The following STIL variants were observed in gnomAD, a reference collection of about 807,000 sequenced individuals.
STIL encodes the protein STIL centriolar assembly protein, also known as SCL-interrupting locus protein.
STIL carries 55 observed loss-of-function variants against 110.1 expected under a neutral mutation model. The observed-to-expected ratio is 0.50, with a 90% CI of 0.40 to 0.63. STIL has a LOEUF of 0.63. Among genes scored for constraint, STIL ranks in the 20% least tolerant of loss-of-function variants. The pLI is 0.00. For missense variants in STIL, 1,358 were observed against 1,530.0 expected (o/e 0.89, Z 1.87); for synonymous variants, 481 against 530.0 (o/e 0.91, Z 1.27).
chr1:47,294,706 A>G (rs1431484537), intron 7 of STIL, among the ~76,000 whole-genome samples: 2 of 152,240 alleles, frequency 1.3e-5, no homozygotes, highest in African/African-American at 4.8e-5. Flanking sequence ...ACATATATAA[A>G]AAAAAGTAAA....
chr1:47,252,710 G>A (rs1406696137), intron 16 of STIL, among the ~76,000 whole-genome samples: 1 of 150,260 alleles, frequency 6.7e-6, no homozygotes, highest in Non-Finnish European at 1.5e-5. Context: ...AAATTAAATT[G>A]TTCATAGTTG....
chr1:47,281,328 CTTTA>C (rs1645154746), intron 11 of STIL, 119 bp from the exon 12 acceptor site: 2 of 1,059,352 alleles, frequency 1.9e-6, no homozygotes, highest in African/African-American at 1.6e-5. Context: ...AGTGTTCATT[CTTTA>C]TTTAGACCAT....
intron 14 of STIL, 48 bp downstream of exon 14, chr1:47,269,587 A>C (rs373643200): frequency 2.0e-5 from 30 of 1,532,450 alleles, no homozygotes; most frequent in Non-Finnish European, 2.4e-5. Context: ...CTATCAAAAA[A>C]AATTTTTTTT....
intron 13 of STIL, 66 bp from the exon 14 acceptor site, chr1:47,269,932 C>A (rs1043029554): frequency 6.8e-7 from 1 of 1,478,444 alleles, no homozygotes; most frequent in Non-Finnish European, 9.5e-7. Flanking sequence ...CTCTGCCAAA[C>A]CTTTGTTAAG....
At chr1:47,298,078 A>G (rs1268527141) in intron 6 of STIL, among the ~76,000 whole-genome samples, 2 of 152,190 alleles carry the variant, frequency 1.3e-5, no homozygotes, top group African/African-American at 4.8e-5. Flanking sequence ...GAATATACCA[A>G]TTTTTCCTTT....
In STIL at chr1:47,265,783, CAAAAAAA is replaced by C. The variant is rs1179019596; in HGVS notation, c.2616-2674_2616-2668del. Among the ~76,000 whole-genome samples, 3 of 65,604 alleles carry C rather than the reference CAAAAAAA, an allele frequency of 4.6e-5. No individual in the cohort carries two copies. In the Admixed American group the frequency reaches 6.5e-4, roughly 14 times the overall value. 43.0% of individuals were successfully genotyped at this position (65,604 alleles called of 152,430 possible). ...CCTGGATGACAGAGCAAGACTGTCT[CAAAAAAA>C]AAAAAAAAAAAAAAAAGAAACAGTC... On this transcript the variant is annotated intron_variant, in intron 14 of 16. Coordinates refer to ENST00000371877, the MANE Select transcript of STIL (RefSeq NM_001048166.1).
chr1:47,260,403 A>G lies in STIL; in HGVS notation c.2966T>C (p.Leu989Pro), dbSNP rs1404754991. The part of the protein sequence containing the change: ...HTKKKTHHSR[L>P]VDKDCVLNAT... ...ATTAAGGACACAATCTTTGTCCACC[A>G]GTCTTGAATGATGTGTTTTTTTCTT... The change falls in exon 16 of 17, where the codon CTG becomes CCG. Residue 989 changes from leucine to proline, a missense_variant. By Grantham distance (98) the Leu-to-Pro change is moderately conservative. Coordinates refer to ENST00000371877, the MANE Select transcript of STIL (RefSeq NM_001048166.1). The G allele has an allele frequency of 6.2e-7, 1 of 1,614,188 alleles. No homozygotes were observed. The highest frequency in any genetic ancestry group is 1.3e-5 in the African/African-American group (1 of 75,048).
chr1:47,261,760 AAAT>A (rs1327351464), intron 15 of STIL, among the ~76,000 whole-genome samples: 3 of 151,518 alleles, frequency 2.0e-5, no homozygotes. Flanking sequence ...AAAAAAAAAA[AAAT>A]TAGCCAGGCA....
chr1:47,256,936 T>A (rs1368100739), intron 16 of STIL, among the ~76,000 whole-genome samples: 1 of 147,390 alleles, frequency 6.8e-6, no homozygotes, highest in East Asian at 2.1e-4. Flanking sequence ...GTGAAGGTTA[T>A]GGTGAGCCCA....
rs142315727 is a variant in STIL at position 47,251,625 on chromosome 1, T to G, written c.3378A>C (p.Arg1126Ser). 2 of 1,614,162 alleles carry G rather than the reference T, an allele frequency of 1.2e-6. No individual in the cohort carries two copies. Among genetic ancestry groups the G allele is most frequent in the African/African-American group, 1.3e-5 (1 of 75,050 alleles). The change falls in exon 17 of 17, where the codon AGA becomes AGC. Residue 1126 changes from arginine to serine, a missense_variant. Transcript: ENST00000371877. Reference protein sequence around the residue: ...MSFATKKYMKRYGLLQSSDNS... With the variant: ...MSFATKKYMKSYGLLQSSDNS... ...TGTCACTGCTTTGTAGGAGTCCATA[T>G]CTCTTCATATATTTTTTGGTTGCAA...
intron 8 of STIL, among the ~76,000 whole-genome samples, chr1:47,290,424 G>A (rs1318586252): frequency 3.3e-5 from 5 of 152,232 alleles, no homozygotes; most frequent in Non-Finnish European, 5.9e-5. Flanking sequence ...AAGATGCACA[G>A]GCCGGGCGCA....
At position 47,289,870 on chromosome 1, in the gene STIL, G is replaced by A. The variant is rs553868769; in HGVS notation, c.873-285C>T. 2.7e-5 allele frequency among the ~76,000 whole-genome samples: 4 copies of A among 149,956 alleles called. 1 individual carries two copies. In the South Asian group the frequency reaches 6.3e-4, roughly 24 times the overall value. ...GGAGAATGGCGTGAACCCGGGAGGC[G>A]GAGCTTGTAATGAGCCAAGATCGCG... On this transcript the variant is annotated intron_variant, in intron 8 of 16. Coordinates refer to ENST00000371877, the MANE Select transcript of STIL (RefSeq NM_001048166.1).
chr1:47,308,028 A>G (rs1304911150), intron 2 of STIL, among the ~76,000 whole-genome samples: 1 of 152,220 alleles, frequency 6.6e-6, no homozygotes, highest in Non-Finnish European at 1.5e-5. Flanking sequence ...GATGTTATCA[A>G]TGACAGTGGT....
intron 7 of STIL, 47 bp from the exon 8 acceptor site, chr1:47,293,591 T>C: frequency 2.8e-6 from 4 of 1,424,516 alleles, no homozygotes; most frequent in Non-Finnish European, 4.0e-6. Context: ...CTTACATATA[T>C]AGCATAATTT....
chr1:47,307,932 C>A (rs976050270), intron 2 of STIL, among the ~76,000 whole-genome samples: 3 of 152,120 alleles, frequency 2.0e-5, no homozygotes, highest in African/African-American at 7.2e-5. Flanking sequence ...TCTCCCATAG[C>A]GCTCCCAGGC....
intron 14 of STIL, among the ~76,000 whole-genome samples, chr1:47,263,744 GTTTTTTTTT>G (rs60915271): frequency 0.011 from 1,062 of 98,298 alleles, 6 homozygotes; most frequent in East Asian, 0.032. Flanking sequence ...TTCATTCCAA[GTTTTTTTTT>G]TTTTTTTTTT....
intron 8 of STIL, 88 bp downstream of exon 8, chr1:47,293,370 C>T (rs777365892): frequency 3.8e-5 from 39 of 1,033,780 alleles, no homozygotes; most frequent in Non-Finnish European, 5.3e-5. Context: ...TAAAAGGTTA[C>T]GGCATTACAT....
At chr1:47,293,323 G>GT (rs989863945) in intron 8 of STIL, 135 bp downstream of exon 8, 1 of 672,198 alleles carries the variant, frequency 1.5e-6, no homozygotes, top group Non-Finnish European at 2.6e-6. Flanking sequence ...TATAAGGTTT[G>GT]TTTTTTCTTA....
chr1:47,282,872 T>A (rs1645189534), intron 10 of STIL: 1 of 170,672 alleles, frequency 5.9e-6, no homozygotes, highest in African/African-American at 2.4e-5. Flanking sequence ...AAATAAGGAA[T>A]TATATTTTCC....
Sources: allele counts gnomAD v4.1 joint callset (sites outside exome capture counted in the v4.1 genomes callset), GRCh38; gene constraint gnomAD v4.1.1; transcripts MANE v1.5; gene names NCBI Gene and HGNC (gene_info 2026-07-23, HGNC 2026-07-21).